Variants in SUSD4 observed in about 807,000 individuals in gnomAD.
The protein encoded by SUSD4 is sushi domain-containing protein 4.
A neutral mutation model predicts 50.5 loss-of-function variants in SUSD4; 41 were observed. The observed-to-expected ratio is 0.81, with a 90% CI of 0.63 to 1.05. The LOEUF is 1.05. Among genes scored for constraint, SUSD4 ranks in the 50% least tolerant of loss-of-function variants. The pLI, the probability that SUSD4 is intolerant of heterozygous loss-of-function variation, is 0.00. For missense variants in SUSD4, 580 were observed against 634.7 expected (o/e 0.91, Z 0.93); for synonymous variants, 257 against 257.3 (o/e 1.00, Z 0.01).
At chr1:223,243,982 T>C (rs1660754575) in intron 5 of SUSD4, among the ~76,000 whole-genome samples, 1 of 152,262 alleles carries the variant, frequency 6.6e-6, no homozygotes, top group Non-Finnish European at 1.5e-5. Context: ...ATTTAACAAA[T>C]ATTTTTTGGA....
chr1:223,303,734 G>T (rs566374036), intron 2 of SUSD4, among the ~76,000 whole-genome samples: 2 of 152,168 alleles, frequency 1.3e-5, no homozygotes, highest in African/African-American at 4.8e-5. Context: ...TTTAGTGAGG[G>T]CAGGGGAAGG....
At position 223,364,164 on chromosome 1, in the gene SUSD4, A is replaced by T. The variant is rs1253045409; in HGVS notation, c.-143T>A. The T allele has an allele frequency of 6.6e-6, 1 of 151,714 alleles. No individual in the cohort carries two copies. The highest frequency in any genetic ancestry group is 2.4e-5 in the African/African-American group (1 of 41,196). 9.4% of individuals were successfully genotyped at this position (151,714 alleles called of 1,614,324 possible). A position where few individuals can be genotyped will look rare whatever the true frequency, so the allele number is the denominator to read the frequency against. ...GCTGCCGCCGCTGCGCGAGCGAGCG[A>T]GACGGAAGCTTCGGCGGCGGCGCTC... On this transcript the variant is annotated 5_prime_UTR_variant, in exon 1 of 9. Coordinates refer to ENST00000366878, the MANE Select transcript of SUSD4 (RefSeq NM_017982.4). The surrounding 1 kb of genome is among the most constrained non-coding windows in gnomAD (Gnocchi z 4.5).
At chr1:223,353,520 G>A (rs112020523) in intron 2 of SUSD4, among the ~76,000 whole-genome samples, 1 of 152,168 alleles carries the variant, frequency 6.6e-6, no homozygotes, top group Non-Finnish European at 1.5e-5. Context: ...GAATGGCAAG[G>A]TTAAGGGACC....
intron 1 of SUSD4, chr1:223,363,661 G>C (rs929098970): frequency 1.5e-5 from 8 of 527,242 alleles, no homozygotes; most frequent in Non-Finnish European, 2.3e-5. Context: ...CAGCCGCCGT[G>C]GGATGCTGCG....
intron 5 of SUSD4, among the ~76,000 whole-genome samples, chr1:223,248,881 G>T (rs1661115158): frequency 6.6e-6 from 1 of 152,166 alleles, no homozygotes; most frequent in African/African-American, 2.4e-5. Context: ...TAAGAAATCT[G>T]AAGTGTGCCT....
intron 2 of SUSD4, among the ~76,000 whole-genome samples, chr1:223,330,486 A>G (rs1260896813): frequency 6.6e-6 from 1 of 152,244 alleles, no homozygotes; most frequent in Non-Finnish European, 1.5e-5. Context: ...AGTCATAAGT[A>G]AGAAGATTCA....
Position 223,223,267 on chromosome 1 carries a change from C to G in SUSD4, c.1426G>C (p.Gly476Arg). ...TAEEVASTSP[G>R]IDIADEIPLM... is the part of the protein sequence containing the mutation. The stretch of plus-strand genomic sequence containing the variant: ...CACTTACCATCTGCAATGTCGATGC[C>G]TGGGCTGGTGGATGCCACCTCCTCT... The change falls in exon 8 of 9, where the codon GGC becomes CGC. Residue 476 changes from glycine (G) to arginine (R), a missense_variant. By Grantham distance (125) the Gly-to-Arg change is moderately radical. Coordinates refer to ENST00000366878, the MANE Select transcript of SUSD4 (RefSeq NM_017982.4). 1 of 1,549,882 alleles carries G rather than the reference C, an allele frequency of 6.5e-7. No individual in the cohort carries two copies. The highest frequency in any genetic ancestry group is 8.7e-7 in the Non-Finnish European group (1 of 1,151,626).
At chr1:223,364,340 A>G (rs1385273070), upstream of SUSD4, 1 of 119,188 alleles carries the variant, frequency 8.4e-6, no homozygotes, top group East Asian at 3.0e-4. This position sits in a 1 kb window ranked among gnomAD's most constrained non-coding sequence, Gnocchi z 4.5. Flanking sequence ...GGCGGCGCGG[A>G]GAGAGGGAGT....
intron 3 of SUSD4, among the ~76,000 whole-genome samples, chr1:223,275,691 C>T (rs1174522912): frequency 6.6e-6 from 1 of 152,170 alleles, no homozygotes; most frequent in Non-Finnish European, 1.5e-5. Context: ...TGGAAATGTG[C>T]CTTTTTTTAT....
In SUSD4 at chr1:223,362,305, C is replaced by A. The variant is rs370614145; in HGVS notation, c.148+973G>T. ...TCTGAAACAGCAATATTTTAAAACGCTAAAATGGTTTATTTACATCAGTCA... is the reference window on the plus strand; with the variant it reads ...TCTGAAACAGCAATATTTTAAAACGATAAAATGGTTTATTTACATCAGTCA... On this transcript the variant is annotated intron_variant, in intron 2 of 8. Coordinates refer to ENST00000366878, the MANE Select transcript of SUSD4 (RefSeq NM_017982.4). Among the ~76,000 whole-genome samples the A allele has an allele frequency of 6.6e-5, 10 of 152,268 alleles. No individual in the cohort carries two copies. In the East Asian group the frequency reaches 9.6e-4, roughly 15 times the overall value.
intron 2 of SUSD4, among the ~76,000 whole-genome samples, chr1:223,321,888 G>T (rs943140700): frequency 6.6e-6 from 1 of 152,118 alleles, no homozygotes; most frequent in African/African-American, 2.4e-5. Flanking sequence ...GTCTAATACG[G>T]GTAGAGTATC....
intron 2 of SUSD4, among the ~76,000 whole-genome samples, chr1:223,333,779 C>T (rs1667307886): frequency 6.6e-6 from 1 of 152,088 alleles, no homozygotes; most frequent in African/African-American, 2.4e-5. Flanking sequence ...GTCATTCCAC[C>T]CCAGGTCCTC....
chr1:223,334,714 G>C (rs560220119), intron 2 of SUSD4, among the ~76,000 whole-genome samples: 1 of 152,214 alleles, frequency 6.6e-6, no homozygotes, highest in South Asian at 2.1e-4. Flanking sequence ...ATTTCCGTAG[G>C]TTTTTGGAGA....
chr1:223,323,850 AG>A (rs1666726764), intron 2 of SUSD4, among the ~76,000 whole-genome samples: 1 of 152,156 alleles, frequency 6.6e-6, no homozygotes, highest in African/African-American at 2.4e-5. Context: ...AGGAGGGCAA[AG>A]GGAGAACATC....
At chr1:223,236,847 C>T (rs1316318863) in intron 5 of SUSD4, among the ~76,000 whole-genome samples, 1 of 151,858 alleles carries the variant, frequency 6.6e-6, no homozygotes, top group African/African-American at 2.4e-5. Flanking sequence ...TTTTTGCTTC[C>T]CCATATAAAC....
At chr1:223,307,707 G>A (rs1177582472) in intron 2 of SUSD4, among the ~76,000 whole-genome samples, 1 of 152,214 alleles carries the variant, frequency 6.6e-6, no homozygotes, top group African/African-American at 2.4e-5. Flanking sequence ...GACAGTGTGT[G>A]CAAGAAGACT....
intron 2 of SUSD4, among the ~76,000 whole-genome samples, chr1:223,300,966 C>A (rs1329338645): frequency 6.6e-6 from 1 of 152,148 alleles, no homozygotes; most frequent in African/African-American, 2.4e-5. Context: ...GAAAAGCAAT[C>A]TTTGGGGTTA....
At chr1:223,285,704 G>A (rs1166253958) in intron 3 of SUSD4, among the ~76,000 whole-genome samples, 2 of 152,194 alleles carry the variant, frequency 1.3e-5, no homozygotes, top group Non-Finnish European at 2.9e-5. Context: ...TATGGATGGA[G>A]CTGGAGGCCA....
At chr1:223,353,229 A>G (rs1668463645) in intron 2 of SUSD4, among the ~76,000 whole-genome samples, 1 of 152,060 alleles carries the variant, frequency 6.6e-6, no homozygotes, top group African/African-American at 2.4e-5. Flanking sequence ...TCATGTCCAC[A>G]CACAATGAGT....
Sources: gnomAD v4.1 joint callset for allele counts (sites outside exome capture counted in the v4.1 genomes callset) on GRCh38, gnomAD v4.1.1 for gene constraint, Gnocchi (gnomAD v3.1) non-coding constraint, MANE v1.5 for transcripts, NCBI Gene and HGNC (gene_info 2026-07-23, HGNC 2026-07-21) for gene names.